Variants in BMERB1 observed in about 807,000 individuals in gnomAD.
The protein encoded by BMERB1 is bMERB domain containing 1.
A neutral mutation model predicts 23.6 loss-of-function variants in BMERB1; 12 were observed. That is an observed-to-expected ratio of 0.51 (90% confidence interval 0.33 to 0.82). The LOEUF (loss-of-function observed/expected upper bound fraction) is 0.82. Among genes scored for constraint, BMERB1 ranks in the 40% least tolerant of loss-of-function variants. BMERB1 has a pLI of 0.03. For missense variants in BMERB1, 247 were observed against 255.4 expected (o/e 0.97, Z 0.22); for synonymous variants, 122 against 96.6 (o/e 1.26, Z -1.54).
In BMERB1 at chr16:15,475,415, C is replaced by T. The variant is rs572502529; in HGVS notation, c.107-39890C>T. On this transcript the variant is annotated intron_variant, in intron 1 of 5. Transcript: ENST00000300006. Reference sequence around the variant, plus strand: ...CAACTTTCATGCTTTGCTAGAGGGACTCACAGAACTCCCTGAAAGCTGTTG... The same window carrying T: ...CAACTTTCATGCTTTGCTAGAGGGATTCACAGAACTCCCTGAAAGCTGTTG... 5.9e-5 allele frequency among the ~76,000 whole-genome samples: 9 copies of T among 152,292 alleles called. No homozygotes were observed. In the South Asian group the frequency reaches 1.9e-3, roughly 32 times the overall value.
chr16:15,484,712 T>A lies in BMERB1; in HGVS notation c.107-30593T>A, dbSNP rs1289574922. Among the ~76,000 whole-genome samples, 3 of 152,204 alleles carry A rather than the reference T, an allele frequency of 2.0e-5. No homozygotes were observed. In the East Asian group the frequency reaches 5.8e-4, roughly 29 times the overall value. ...CCACCGCACCTGGCCTCTTTCCCCT[T>A]TTTTAAAAAAAGAAGGCGAAATTCA... On this transcript the variant is annotated intron_variant, in intron 1 of 5. Coordinates refer to ENST00000300006, the MANE Select transcript of BMERB1 (RefSeq NM_033201.3).
intron 2 of BMERB1, among the ~76,000 whole-genome samples, chr16:15,565,415 T>G (rs2030537147): frequency 6.6e-6 from 1 of 152,386 alleles, no homozygotes; most frequent in South Asian, 2.1e-4. Flanking sequence ...TGCTTCAGTC[T>G]TCTTTGTAAC....
chr16:15,508,544 A>G (rs1229820403), intron 1 of BMERB1, among the ~76,000 whole-genome samples: 1 of 152,044 alleles, frequency 6.6e-6, no homozygotes, highest in Non-Finnish European at 1.5e-5. Flanking sequence ...GTGCAGACTA[A>G]ATGAGATGAG....
chr16:15,454,617 A>G (rs768638320), intron 1 of BMERB1, among the ~76,000 whole-genome samples: 5 of 152,138 alleles, frequency 3.3e-5, no homozygotes, highest in African/African-American at 7.2e-5. Context: ...ACATGGTGAA[A>G]CCCCATCTCT....
At chr16:15,563,072 T>TTG (rs566702856) in intron 2 of BMERB1, among the ~76,000 whole-genome samples, 203 of 152,268 alleles carry the variant, frequency 1.3e-3, no homozygotes, top group Middle Eastern at 3.4e-3. Context: ...ATTAGTCTGT[T>TTG]CTCGCATTTC....
intron 1 of BMERB1, among the ~76,000 whole-genome samples, chr16:15,470,448 G>A (rs1336252469): frequency 6.6e-6 from 1 of 151,628 alleles, no homozygotes; most frequent in African/African-American, 2.4e-5. Flanking sequence ...TTCCTTTGTT[G>A]TACTGTCTCT....
chr16:15,557,375 A>G (rs1286728852), intron 2 of BMERB1, among the ~76,000 whole-genome samples: 2 of 152,204 alleles, frequency 1.3e-5, no homozygotes, highest in South Asian at 2.1e-4. Flanking sequence ...ATGCTTCTAA[A>G]GCATGGCTTA....
intron 1 of BMERB1, among the ~76,000 whole-genome samples, chr16:15,484,723 AG>A (rs1455565149): frequency 1.3e-5 from 2 of 152,212 alleles, no homozygotes; most frequent in Admixed American, 1.3e-4. Flanking sequence ...TTTTAAAAAA[AG>A]AAGGCGAAAT....
intron 1 of BMERB1, among the ~76,000 whole-genome samples, chr16:15,476,343 A>G (rs1007920493): frequency 6.6e-6 from 1 of 151,964 alleles, no homozygotes; most frequent in Non-Finnish European, 1.5e-5. Context: ...TTGTAGTTTC[A>G]GTAGAGACAG....
chr16:15,523,718 G>GA (rs1276691623), intron 2 of BMERB1, among the ~76,000 whole-genome samples: 1 of 152,222 alleles, frequency 6.6e-6, no homozygotes, highest in Non-Finnish European at 1.5e-5. Flanking sequence ...AGCAAGGGAT[G>GA]AAAACAGACA....
At chr16:15,439,994 C>G (rs1488999028) in intron 1 of BMERB1, among the ~76,000 whole-genome samples, 3 of 151,996 alleles carry the variant, frequency 2.0e-5, no homozygotes. Context: ...CCTGTAATCC[C>G]AGCACTTTGG....
chr16:15,475,858 A>G (rs2051270791), intron 1 of BMERB1, among the ~76,000 whole-genome samples: 1 of 152,164 alleles, frequency 6.6e-6, no homozygotes, highest in Admixed American at 6.5e-5. Flanking sequence ...AAGTATTGCC[A>G]AGCAGGGAAG....
chr16:15,542,450 A>C (rs1383332335), intron 2 of BMERB1, among the ~76,000 whole-genome samples: 1 of 152,062 alleles, frequency 6.6e-6, no homozygotes, highest in Non-Finnish European at 1.5e-5. Flanking sequence ...ACTCAGCCTG[A>C]GTGCCCTCAT....
rs1388827743 is a variant in BMERB1, at chr16:15,583,181, G to C, written c.445G>C (p.Ala149Pro). Reference protein sequence around the residue: ...LREQEEDKEMADFLRIKLKPL... With the variant: ...LREQEEDKEMPDFLRIKLKPL... ...GGAGCAAGAAGAAGACAAGGAAATGGCTGATTTCCTGAGAATCAAGTTAAA... is the reference window on the plus strand; with the variant it reads ...GGAGCAAGAAGAAGACAAGGAAATGCCTGATTTCCTGAGAATCAAGTTAAA... The change falls in exon 5 of 6, where the codon GCT becomes CCT. Residue 149 changes from alanine to proline, a missense_variant. By Grantham distance (27) the Ala-to-Pro change is conservative. Coordinates refer to ENST00000300006, the MANE Select transcript of BMERB1 (RefSeq NM_033201.3). The C allele has an allele frequency of 6.2e-7, 1 of 1,613,540 alleles. No individual in the cohort carries two copies. The highest frequency in any genetic ancestry group is 8.5e-7 in the Non-Finnish European group (1 of 1,179,540).
intron 1 of BMERB1, among the ~76,000 whole-genome samples, chr16:15,467,974 C>A (rs2051195790): frequency 6.6e-6 from 1 of 151,954 alleles, no homozygotes; most frequent in Admixed American, 6.6e-5. Flanking sequence ...GACTGAGAAT[C>A]AATAGAAAGG....
intron 1 of BMERB1, among the ~76,000 whole-genome samples, chr16:15,499,000 G>C (rs1234903831): frequency 3.3e-5 from 5 of 152,244 alleles, no homozygotes; most frequent in African/African-American, 4.8e-5. Context: ...CACTCAGAAT[G>C]AGTCTTCAGA....
chr16:15,576,064 A>T (rs1316245215), intron 3 of BMERB1, among the ~76,000 whole-genome samples: 1 of 142,082 alleles, frequency 7.0e-6, no homozygotes, highest in African/African-American at 2.8e-5. Context: ...TTTGAGACAG[A>T]GTCTTGCTCT....
Position 15,434,619 on chromosome 16 carries a change from A to C in BMERB1, c.-35A>C. ...GCAGCCCGCAACGGGAATGGAGTAA[A>C]GGGAGACCCGTCGACCTGGCCACGG... On this transcript the variant is annotated 5_prime_UTR_variant, in exon 1 of 6. Transcript: ENST00000300006. The C allele has an allele frequency of 6.3e-7, 1 of 1,582,254 alleles. No individual in the cohort carries two copies. Among genetic ancestry groups the C allele is most frequent in the African/African-American group, 1.3e-5 (1 of 74,412 alleles).
intron 1 of BMERB1, among the ~76,000 whole-genome samples, chr16:15,464,976 C>G (rs1055458807): frequency 2.6e-5 from 4 of 152,128 alleles, no homozygotes; most frequent in Admixed American, 2.6e-4. Flanking sequence ...GTTCAAATGC[C>G]TCTGACAAAG....
Sources: allele counts gnomAD v4.1 joint callset (sites outside exome capture counted in the v4.1 genomes callset), GRCh38; gene constraint gnomAD v4.1.1; transcripts MANE v1.5; gene names NCBI Gene and HGNC (gene_info 2026-07-23, HGNC 2026-07-21).